MAP3K5: variants seen among roughly 807,000 people sequenced by gnomAD.
MAP3K5 encodes the protein mitogen-activated protein kinase kinase kinase 5.
A neutral mutation model predicts 158.7 loss-of-function variants in MAP3K5; 56 were observed. The observed-to-expected ratio is 0.35, with a 90% CI of 0.28 to 0.44. The LOEUF is 0.44. Among genes scored for constraint, MAP3K5 ranks in the 20% least tolerant of loss-of-function variants. The pLI is 1.00. For synonymous variants in MAP3K5, 579 were observed against 601.7 expected (o/e 0.96, Z 0.55); for missense variants, 1,294 against 1,674.8 (o/e 0.77, Z 3.97).
chr6:136,675,183 C>T (rs1779654207), intron 7 of MAP3K5, among the ~76,000 whole-genome samples: 1 of 151,780 alleles, frequency 6.6e-6, no homozygotes, highest in African/African-American at 2.4e-5. Flanking sequence ...GGCTTCAAAA[C>T]ATATACAGAA....
At chr6:136,742,578 T>C (rs918760351) in intron 1 of MAP3K5, among the ~76,000 whole-genome samples, 18 of 152,112 alleles carry the variant, frequency 1.2e-4, no homozygotes, top group African/African-American at 2.9e-4. Flanking sequence ...AAAATCTAAA[T>C]GACCATTGGT....
intron 2 of MAP3K5, among the ~76,000 whole-genome samples, chr6:136,708,567 T>C (rs150127101): frequency 6.6e-6 from 1 of 152,178 alleles, no homozygotes; most frequent in African/African-American, 2.4e-5. Context: ...TTACTTAGTA[T>C]TTGATGGGGA....
At chr6:136,730,599 G>A (rs1262055562) in intron 1 of MAP3K5, among the ~76,000 whole-genome samples, 1 of 151,846 alleles carries the variant, frequency 6.6e-6, no homozygotes, top group Non-Finnish European at 1.5e-5. Flanking sequence ...GCAGATGCCT[G>A]TAGTCCCAGC....
At chr6:136,787,270 A>C (rs997190876) in intron 1 of MAP3K5, among the ~76,000 whole-genome samples, 4 of 152,216 alleles carry the variant, frequency 2.6e-5, no homozygotes, top group African/African-American at 9.7e-5. Flanking sequence ...CCTCAATCTG[A>C]TTTTTGAAGC....
rs545362899 is a variant in MAP3K5, at chr6:136,658,167, C to T, written c.1526+1052G>A. On this transcript the variant is annotated intron_variant, in intron 9 of 29. Transcript: ENST00000359015. ...GTTTCTGTGATGAAAACAGCCGAGTCGGTGGCCTGGGCTCTGAGCGGCTCT... is the reference window on the plus strand; with the variant it reads ...GTTTCTGTGATGAAAACAGCCGAGTTGGTGGCCTGGGCTCTGAGCGGCTCT... Among the ~76,000 whole-genome samples, 19 of 152,228 alleles carry T rather than the reference C, an allele frequency of 1.2e-4. No individual in the cohort carries two copies. The East Asian group carries it at 1.7e-3, about 14-fold the overall frequency.
intron 15 of MAP3K5, among the ~76,000 whole-genome samples, chr6:136,620,608 G>A (rs1776756246): frequency 1.3e-5 from 2 of 152,104 alleles, no homozygotes; most frequent in African/African-American, 4.8e-5. Flanking sequence ...GGAGTCAAGG[G>A]CAGCCAGAGT....
intron 25 of MAP3K5, among the ~76,000 whole-genome samples, chr6:136,577,202 C>T (rs770667116): frequency 2.0e-5 from 3 of 151,990 alleles, no homozygotes; most frequent in South Asian, 2.1e-4. Context: ...ATTTGAAGAC[C>T]GTCTGTTTTT....
intron 11 of MAP3K5, 73 bp from the exon 12 acceptor site, chr6:136,642,642 T>C (rs1778038687): frequency 9.0e-7 from 1 of 1,114,732 alleles, no homozygotes; most frequent in Non-Finnish European, 1.3e-6. Context: ...TTTTGTTTAA[T>C]TATTTTTAAA....
At chr6:136,624,418 G>T (rs1776943899) in intron 14 of MAP3K5, among the ~76,000 whole-genome samples, 1 of 152,126 alleles carries the variant, frequency 6.6e-6, no homozygotes, top group Non-Finnish European at 1.5e-5. Context: ...CTGGCACACA[G>T]ATTTTAAAAT....
intron 13 of MAP3K5, 85 bp from the exon 14 acceptor site, chr6:136,637,491 A>G (rs1040742636): frequency 9.8e-6 from 8 of 813,174 alleles, no homozygotes; most frequent in African/African-American, 1.7e-5. Flanking sequence ...CTTCAGAACC[A>G]AAACTGAGAG....
chr6:136,631,636 G>C (rs1245336708), intron 14 of MAP3K5, among the ~76,000 whole-genome samples: 2 of 151,942 alleles, frequency 1.3e-5, no homozygotes, highest in Non-Finnish European at 2.9e-5. Flanking sequence ...ATATGGATTG[G>C]AGGCCTTCTC....
intron 1 of MAP3K5, among the ~76,000 whole-genome samples, chr6:136,778,336 C>T (rs1167173079): frequency 6.6e-6 from 1 of 151,984 alleles, no homozygotes; most frequent in Non-Finnish European, 1.5e-5. Context: ...TCTTTTATAG[C>T]AGTAATAAAC....
intron 1 of MAP3K5, among the ~76,000 whole-genome samples, chr6:136,762,109 A>AT (rs1198486450): frequency 1.3e-5 from 2 of 152,202 alleles, no homozygotes; most frequent in African/African-American, 2.4e-5. Flanking sequence ...TTATGCAAAT[A>AT]TTTTTTGTTT....
chr6:136,692,758 C>T (rs75519276), intron 7 of MAP3K5, among the ~76,000 whole-genome samples: 1,915 of 152,200 alleles, frequency 0.013, 38 homozygotes, highest in African/African-American at 0.044. Context: ...ATCTTTGCCC[C>T]AGTCAGGGCA....
At chr6:136,685,749 A>C (rs550825383) in intron 7 of MAP3K5, among the ~76,000 whole-genome samples, 1 of 152,320 alleles carries the variant, frequency 6.6e-6, no homozygotes, top group East Asian at 1.9e-4. Flanking sequence ...ACAGCATTTA[A>C]GAAATGAAAA....
chr6:136,786,642 C>T (rs1286927478), intron 1 of MAP3K5, among the ~76,000 whole-genome samples: 1 of 151,986 alleles, frequency 6.6e-6, no homozygotes, highest in East Asian at 1.9e-4. Context: ...AAGCAAATGA[C>T]AACTGTAGTC....
chr6:136,732,075 T>TTCTATGACA lies in MAP3K5; in HGVS notation c.449-11495_449-11487dup, dbSNP rs1782249693. Reference sequence around the variant, plus strand: ...TTTCAGATGAGACAGATGGGTTGGGTTCTATGACAGAGGAGAAAAGTCAAC... The same window carrying TTCTATGACA: ...TTTCAGATGAGACAGATGGGTTGGGTTCTATGACATCTATGACAGAGGAGAAAAGTCAAC... On this transcript the variant is annotated intron_variant, in intron 1 of 29. Transcript: ENST00000359015. Among the ~76,000 whole-genome samples, 5 of 152,262 alleles carry TTCTATGACA rather than the reference T, an allele frequency of 3.3e-5. No homozygotes were observed. The South Asian group carries it at 1.0e-3, about 32-fold the overall frequency.
chr6:136,602,398 G>T (rs1214784319), intron 19 of MAP3K5, among the ~76,000 whole-genome samples: 2 of 152,086 alleles, frequency 1.3e-5, no homozygotes. Context: ...GACCTCCCAG[G>T]CTCAAGCGAG....
intron 1 of MAP3K5, among the ~76,000 whole-genome samples, chr6:136,746,821 G>A (rs1485385408): frequency 6.6e-6 from 1 of 152,176 alleles, no homozygotes; most frequent in East Asian, 1.9e-4. Context: ...CTCTAAGAAT[G>A]GTCAGTTTGC....
Sources: gnomAD v4.1 joint callset for allele counts (sites outside exome capture counted in the v4.1 genomes callset) on GRCh38, gnomAD v4.1.1 for gene constraint, MANE v1.5 for transcripts, NCBI Gene and HGNC (gene_info 2026-07-23, HGNC 2026-07-21) for gene names.